The following ARHGEF3 variants were observed in gnomAD, a reference collection of about 807,000 sequenced individuals.
The protein encoded by ARHGEF3 is 59.8 kDA protein.
Under a neutral mutation model 63.2 loss-of-function variants are expected in ARHGEF3, and 28 were observed. The observed-to-expected ratio is 0.44, with a 90% CI of 0.33 to 0.61. ARHGEF3 has a LOEUF of 0.61. Among genes scored for constraint, ARHGEF3 ranks in the 20% least tolerant of loss-of-function variants. The pLI, the probability that ARHGEF3 is intolerant of heterozygous loss-of-function variation, is 0.03. For synonymous variants in ARHGEF3, 266 were observed against 254.2 expected, an observed-to-expected ratio of 1.05 and a Z score of -0.44; for missense variants, 533 against 659.3, an observed-to-expected ratio of 0.81 and a Z score of 2.10.
intron 4 of ARHGEF3, among the ~76,000 whole-genome samples, chr3:56,859,176 T>C (rs916861404): frequency 2.0e-5 from 3 of 152,148 alleles, no homozygotes; most frequent in African/African-American, 4.8e-5. Context: ...GTTTTGTTTT[T>C]GAGACGGATG....
At chr3:56,823,986 G>GAAAAA (rs5849170) in intron 4 of ARHGEF3, among the ~76,000 whole-genome samples, 4 of 126,380 alleles carry the variant, frequency 3.2e-5, no homozygotes, top group African/African-American at 3.1e-5. Flanking sequence ...TTGAGGAAAG[G>GAAAAA]AAAAAAAAAA....
chr3:57,041,984 G>A (rs1280417047), intron 1 of ARHGEF3, among the ~76,000 whole-genome samples: 2 of 152,148 alleles, frequency 1.3e-5, no homozygotes, highest in African/African-American at 4.8e-5. Context: ...CCACTAAACT[G>A]AACCAGAGAT....
chr3:56,895,837 A>G (rs2041285004), intron 3 of ARHGEF3, among the ~76,000 whole-genome samples: 1 of 152,178 alleles, frequency 6.6e-6, no homozygotes, highest in Non-Finnish European at 1.5e-5. Context: ...TTTCTTTCCT[A>G]CTGAGAGACA....
intron 2 of ARHGEF3, among the ~76,000 whole-genome samples, chr3:56,991,850 G>A (rs1701756827): frequency 6.6e-6 from 1 of 152,102 alleles, no homozygotes; most frequent in Non-Finnish European, 1.5e-5. Flanking sequence ...CCTGACCTCA[G>A]GTGATCCACC....
At chr3:56,957,875 G>A (rs1273141516) in intron 3 of ARHGEF3, among the ~76,000 whole-genome samples, 1 of 152,160 alleles carries the variant, frequency 6.6e-6, no homozygotes, top group South Asian at 2.1e-4. Context: ...TGAGATTAGC[G>A]CTAGAATTCA....
chr3:57,013,385 C>T (rs1392177191), intron 2 of ARHGEF3, among the ~76,000 whole-genome samples: 4 of 152,252 alleles, frequency 2.6e-5, no homozygotes, highest in Non-Finnish European at 5.9e-5. Flanking sequence ...ATTGTATATG[C>T]ACCAATCAGC....
chr3:56,992,375 T>TAAAAAAAAA lies in ARHGEF3; in HGVS notation c.63-33495_63-33487dup, dbSNP rs57740672. On this transcript the variant is annotated intron_variant, in intron 2 of 12. Transcript: ENST00000338458. Reference sequence around the variant, plus strand: ...GGTCCTATGGTAGGGAGGATGGCTTTAAAAAAAAAAAAAAAAAAAAAAAAA... The same window carrying TAAAAAAAAA: ...GGTCCTATGGTAGGGAGGATGGCTTTAAAAAAAAAAAAAAAAAAAAAAAAAAAAAAAAAA... Among the ~76,000 whole-genome samples, 69 of 46,148 alleles carry TAAAAAAAAA rather than the reference T, an allele frequency of 1.5e-3. 7 individuals carry two copies. Among genetic ancestry groups the TAAAAAAAAA allele is most frequent in the Non-Finnish European group, 2.4e-3 (40 of 16,588 alleles). The allele number at this position is 46,148 out of a possible 152,430, so 30.3% of individuals were successfully genotyped here. A position where few individuals can be genotyped will look rare whatever the true frequency, so the allele number is the denominator to read the frequency against.
At chr3:57,040,283 C>T (rs1704123903) in intron 1 of ARHGEF3, among the ~76,000 whole-genome samples, 1 of 152,036 alleles carries the variant, frequency 6.6e-6, no homozygotes, top group African/African-American at 2.4e-5. Flanking sequence ...TGAGACCAAC[C>T]TGGCTAACAT....
chr3:56,867,473 T>A (rs1578716457), intron 4 of ARHGEF3, among the ~76,000 whole-genome samples: 1 of 151,868 alleles, frequency 6.6e-6, no homozygotes, highest in East Asian at 1.9e-4. Context: ...ATTTATTTAT[T>A]TATTTATTTA....
At chr3:56,917,998 C>T (rs550690490) in intron 3 of ARHGEF3, among the ~76,000 whole-genome samples, 1 of 152,288 alleles carries the variant, frequency 6.6e-6, no homozygotes, top group Admixed American at 6.5e-5. Context: ...TTCAGATTGT[C>T]CTTGGGATTC....
At chr3:56,744,313 T>C (rs1385615699) in intron 7 of ARHGEF3, among the ~76,000 whole-genome samples, 8 of 152,126 alleles carry the variant, frequency 5.3e-5, no homozygotes, top group Admixed American at 1.3e-4. Context: ...ATTCTCATGA[T>C]GTGCACCCCA....
intron 3 of ARHGEF3, among the ~76,000 whole-genome samples, chr3:56,912,537 G>A (rs1412817185): frequency 1.3e-5 from 2 of 152,200 alleles, no homozygotes; most frequent in African/African-American, 4.8e-5. Flanking sequence ...TTTATCTTCT[G>A]TAAATCTCAG....
chr3:56,784,021 A>G (rs184913353), intron 1 of ARHGEF3, among the ~76,000 whole-genome samples: 1 of 152,230 alleles, frequency 6.6e-6, no homozygotes, highest in African/African-American at 2.4e-5. Context: ...CTTTTAGCAA[A>G]CACCAGCCCC....
intron 4 of ARHGEF3, among the ~76,000 whole-genome samples, chr3:56,862,122 C>G (rs9823526): frequency 0.58 from 86,833 of 148,834 alleles, 25,752 homozygotes; most frequent in East Asian, 0.77. Flanking sequence ...ACCCACCCAC[C>G]TTTTGGGACT....
At chr3:56,753,602 C>A in intron 3 of ARHGEF3, 36 bp from the exon 4 acceptor site, 1 of 1,585,690 alleles carries the variant, frequency 6.3e-7, no homozygotes. Context: ...CTGAATTCTC[C>A]CTTCATTTAC....
At chr3:56,864,664 G>C (rs2040183779) in intron 4 of ARHGEF3, among the ~76,000 whole-genome samples, 1 of 152,132 alleles carries the variant, frequency 6.6e-6, no homozygotes, top group Non-Finnish European at 1.5e-5. Flanking sequence ...GAGATGCTCA[G>C]TCAATGTGAA....
upstream of ARHGEF3, among the ~76,000 whole-genome samples, chr3:56,802,155 C>A (rs1416365191): frequency 6.6e-6 from 1 of 152,198 alleles, no homozygotes; most frequent in East Asian, 1.9e-4. Context: ...ACTCCGGGCG[C>A]CCCCGCAGAG....
At chr3:57,014,035 C>T (rs1240152980) in intron 2 of ARHGEF3, among the ~76,000 whole-genome samples, 1 of 152,188 alleles carries the variant, frequency 6.6e-6, no homozygotes, top group Non-Finnish European at 1.5e-5. Context: ...AGCTGTAACA[C>T]TCACCGCGAA....
At chr3:56,860,200 CAG>C (rs2040026430) in intron 4 of ARHGEF3, among the ~76,000 whole-genome samples, 1 of 151,952 alleles carries the variant, frequency 6.6e-6, no homozygotes, top group South Asian at 2.1e-4. Context: ...TTTTTAGAGA[CAG>C]AGTCTCACTC....
Sources: allele counts gnomAD v4.1 joint callset (sites outside exome capture counted in the v4.1 genomes callset), GRCh38; gene constraint gnomAD v4.1.1; transcripts MANE v1.5; gene names NCBI Gene and HGNC (gene_info 2026-07-23, HGNC 2026-07-21).